The following ARHGAP6 variants were observed in gnomAD, a reference collection of about 807,000 sequenced individuals.
The protein encoded by ARHGAP6 is Rho GTPase activating protein 6, also known as rho GTPase-activating protein 6.
In ARHGAP6, 16 loss-of-function variants were observed where a neutral mutation model predicts 55.7. That is an observed-to-expected ratio of 0.29 (90% CI 0.19 to 0.44). The LOEUF (loss-of-function observed/expected upper bound fraction) is 0.44, where lower values mean the gene tolerates loss of function less well. Ranked by LOEUF, ARHGAP6 falls within the 20% of genes least tolerant of loss-of-function variation. The pLI, the probability that ARHGAP6 is intolerant of heterozygous loss-of-function variation, is 1.00. For missense variants in ARHGAP6, 698 were observed against 808.9 expected, an observed-to-expected ratio of 0.86 and a Z score of 1.66; for synonymous variants, 382 against 360.9, an observed-to-expected ratio of 1.06 and a Z score of -0.66.
At position 11,189,147 on chromosome X, in the gene ARHGAP6, C is replaced by T. The variant is rs1254778761; in HGVS notation, c.821-163G>A. On this transcript the variant is annotated intron_variant, in intron 3 of 12. Transcript: ENST00000337414. ...TGACATTTGTGTTAATCAGAATGGC[C>T]CAAGTTTCCATTTCAATAAAGAAAA... is the stretch of plus-strand genomic sequence containing the variant. Among the ~76,000 whole-genome samples the T allele has an allele frequency of 3.6e-5, 4 of 111,591 alleles. No individual in the cohort carries two copies. In the East Asian group the frequency reaches 1.1e-3, roughly 31 times the overall value.
chrX:11,628,286 T>C (rs971452403), intron 1 of ARHGAP6, among the ~76,000 whole-genome samples: 2 of 112,143 alleles, frequency 1.8e-5, no homozygotes, highest in Admixed American at 9.4e-5. Flanking sequence ...GAAATAGACA[T>C]CACAAAGTGA....
chrX:11,161,517 G>A (rs930878898), intron 9 of ARHGAP6, among the ~76,000 whole-genome samples: 1 of 110,621 alleles, frequency 9.0e-6, no homozygotes, highest in Non-Finnish European at 1.9e-5. Context: ...ACCTTCTTTA[G>A]GATTCTGTTC....
intron 1 of ARHGAP6, among the ~76,000 whole-genome samples, chrX:11,349,043 GTT>G (rs755689676): frequency 2.4e-4 from 22 of 92,624 alleles, no homozygotes; most frequent in African/African-American, 7.4e-4. Context: ...TGTTATTCCT[GTT>G]TTTTTTTTTT....
chrX:11,354,327 C>CTCTCTCTATATA (rs1343744315), intron 1 of ARHGAP6, among the ~76,000 whole-genome samples: 40 of 32,338 alleles, frequency 1.2e-3, no homozygotes, highest in African/African-American at 3.1e-3. Flanking sequence ...CTCTCTCTCT[C>CTCTCTCTATATA]TATATATATA....
At chrX:11,401,707 T>C (rs1034915357) in intron 1 of ARHGAP6, among the ~76,000 whole-genome samples, 1 of 111,842 alleles carries the variant, frequency 8.9e-6, no homozygotes, top group Non-Finnish European at 1.9e-5. Flanking sequence ...GCCATTCATA[T>C]GTACAGGATA....
intron 1 of ARHGAP6, among the ~76,000 whole-genome samples, chrX:11,503,304 A>T (rs915168043): frequency 9.0e-6 from 1 of 111,468 alleles, no homozygotes; most frequent in Non-Finnish European, 1.9e-5. Flanking sequence ...AATAACCCAC[A>T]CAGTTCAAAT....
intron 1 of ARHGAP6, among the ~76,000 whole-genome samples, chrX:11,363,272 T>A (rs751283600): frequency 1.3e-3 from 140 of 111,891 alleles, no homozygotes; most frequent in Non-Finnish European, 2.1e-3. Context: ...AGACTATTTT[T>A]TAAATTGGCC....
intron 4 of ARHGAP6, among the ~76,000 whole-genome samples, chrX:11,186,765 A>G (rs188165744): frequency 1.5e-4 from 17 of 112,067 alleles, no homozygotes; most frequent in African/African-American, 5.2e-4. Context: ...AAAAAATTAC[A>G]TACTCAATCA....
intron 1 of ARHGAP6, among the ~76,000 whole-genome samples, chrX:11,592,352 TGCCACA>T (rs1321243384): frequency 1.8e-5 from 2 of 111,973 alleles, no homozygotes; most frequent in South Asian, 3.7e-4. Context: ...GTTCTTTGTG[TGCCACA>T]GCCTAAGGTT....
chrX:11,289,972 G>A (rs1341836322), intron 1 of ARHGAP6, among the ~76,000 whole-genome samples: 1 of 112,016 alleles, frequency 8.9e-6, no homozygotes, highest in Non-Finnish European at 1.9e-5. Context: ...GCGACAGAGC[G>A]AGACTCTGTC....
intron 1 of ARHGAP6, among the ~76,000 whole-genome samples, chrX:11,437,515 C>T (rs1413814074): frequency 8.9e-6 from 1 of 111,829 alleles, no homozygotes; most frequent in African/African-American, 3.3e-5. Flanking sequence ...TTATTAAGAA[C>T]CTGTTCCCAG....
At chrX:11,486,952 G>C (rs140479107) in intron 1 of ARHGAP6, among the ~76,000 whole-genome samples, 15 of 111,636 alleles carry the variant, frequency 1.3e-4, no homozygotes, top group Non-Finnish European at 2.4e-4. Flanking sequence ...GGGATGTGGA[G>C]GCTGGTGGTG....
chrX:11,643,098 A>G (rs1177211023), intron 1 of ARHGAP6, among the ~76,000 whole-genome samples: 2 of 111,518 alleles, frequency 1.8e-5, no homozygotes, highest in Admixed American at 1.9e-4. Flanking sequence ...TCTACTCAAC[A>G]TCAAACACAC....
At chrX:11,561,040 T>G (rs1423017450) in intron 1 of ARHGAP6, among the ~76,000 whole-genome samples, 1 of 111,849 alleles carries the variant, frequency 8.9e-6, no homozygotes, top group Non-Finnish European at 1.9e-5. Flanking sequence ...TAGCTACGTA[T>G]AGTTTATGGC....
intron 1 of ARHGAP6, among the ~76,000 whole-genome samples, chrX:11,607,348 C>T (rs951972678): frequency 1.2e-4 from 13 of 111,824 alleles, no homozygotes; most frequent in African/African-American, 4.2e-4. Flanking sequence ...GATGGAGCTT[C>T]TCTAGAGGCA....
At chrX:11,335,840 G>GTAA (rs774302319) in intron 1 of ARHGAP6, 78 of 234,380 alleles carry the variant, frequency 3.3e-4, no homozygotes, top group African/African-American at 2.1e-3. Flanking sequence ...GGCCATGGTG[G>GTAA]GGAGGCCTAG....
intron 1 of ARHGAP6, among the ~76,000 whole-genome samples, chrX:11,379,019 T>G (rs893945677): frequency 1.8e-5 from 2 of 112,437 alleles, no homozygotes; most frequent in African/African-American, 6.5e-5. Context: ...AATAACCTAC[T>G]CGGAAGCTGG....
At chrX:11,260,625 G>A (rs968705630) in intron 1 of ARHGAP6, among the ~76,000 whole-genome samples, 2 of 112,245 alleles carry the variant, frequency 1.8e-5, no homozygotes, top group Non-Finnish European at 3.8e-5. Context: ...GGCAAAAACA[G>A]CCATAGACCC....
intron 1 of ARHGAP6, among the ~76,000 whole-genome samples, chrX:11,453,236 A>AAT (rs1414089058): frequency 2.0e-5 from 2 of 99,691 alleles, no homozygotes; most frequent in Admixed American, 1.2e-4. Context: ...ATATATACAT[A>AAT]ATATATATAC....
Sources: allele counts gnomAD v4.1 joint callset (sites outside exome capture counted in the v4.1 genomes callset), GRCh38; gene constraint gnomAD v4.1.1; transcripts MANE v1.5; gene names NCBI Gene and HGNC (gene_info 2026-07-23, HGNC 2026-07-21).